Variants in HSPA4L observed in about 807,000 individuals in gnomAD.
HSPA4L encodes the protein heat shock 70 kDa protein 4L.
A neutral mutation model predicts 100.3 loss-of-function variants in HSPA4L; 48 were observed. The observed-to-expected ratio is 0.48, with a 90% confidence interval of 0.38 to 0.61. HSPA4L has a LOEUF of 0.61. Among genes scored for constraint, HSPA4L ranks in the 20% least tolerant of loss-of-function variants. The pLI is 0.00. For missense variants in HSPA4L, 886 were observed against 988.6 expected (o/e 0.90, Z 1.39); for synonymous variants, 319 against 328.2 (o/e 0.97, Z 0.30).
intron 6 of HSPA4L, among the ~76,000 whole-genome samples, chr4:127,803,174 A>G (rs1733242086): frequency 6.6e-6 from 1 of 152,074 alleles, no homozygotes; most frequent in African/African-American, 2.4e-5. Flanking sequence ...AATAGTCAAA[A>G]GGCCTAATTT....
At chr4:127,809,420 A>G in intron 11 of HSPA4L, 1 of 1,255,386 alleles carries the variant, frequency 8.0e-7, no homozygotes, top group Non-Finnish European at 1.2e-6. Flanking sequence ...TCATAACTCA[A>G]GACTCTGCAT....
intron 11 of HSPA4L, among the ~76,000 whole-genome samples, chr4:127,809,925 C>T (rs1176377645): frequency 1.3e-5 from 2 of 152,212 alleles, no homozygotes; most frequent in East Asian, 3.9e-4. Flanking sequence ...TGTCAGTGTA[C>T]CTTTTGAGTT....
In HSPA4L at chr4:127,837,806, GTT is replaced by G. The variant is rs1396502378; in HGVS notation, c.*4936_*4937del. On this transcript the variant is annotated 3_prime_UTR_variant, in exon 19 of 19. Transcript: ENST00000296464. ...TAAAATGCATGAAAATTAATACTTT[GTT>G]TTTGTTTTTTTTTTGGAAACAGTCT... is the stretch of plus-strand genomic sequence containing the variant. 2 of 151,336 alleles carry G rather than the reference GTT, an allele frequency of 1.3e-5. No individual in the cohort carries two copies. The highest frequency in any genetic ancestry group is 4.9e-5 in the African/African-American group (2 of 41,192). 9.4% of individuals were successfully genotyped at this position (151,336 alleles called of 1,614,324 possible).
rs760001129 is a variant in HSPA4L at position 127,808,136 on chromosome 4, TA to T, written c.1378+15del. 45 of 1,578,956 alleles carry T rather than the reference TA, an allele frequency of 2.8e-5. No homozygotes were observed. The highest frequency in any genetic ancestry group is 1.6e-4 in the Admixed American group (8 of 49,396). ...TATCCTGATGCAAGAATTGGTAAGATAAAAAAAAGTTCTCCATAACATTTTG... is the reference window on the plus strand; with the variant it reads ...TATCCTGATGCAAGAATTGGTAAGATAAAAAAAGTTCTCCATAACATTTTG... On this transcript the variant is annotated splice_region_variant and intron_variant, in intron 11 of 18. Coordinates refer to ENST00000296464, the MANE Select transcript of HSPA4L (RefSeq NM_014278.4).
intron 11 of HSPA4L, chr4:127,809,494 G>A: frequency 1.0e-6 from 1 of 994,076 alleles, no homozygotes; most frequent in Non-Finnish European, 1.6e-6. Context: ...TATTTGTGAT[G>A]GAAAAGAGAC....
chr4:127,808,423 A>G (rs1553933547), intron 11 of HSPA4L, among the ~76,000 whole-genome samples: 1 of 152,124 alleles, frequency 6.6e-6, no homozygotes, highest in Non-Finnish European at 1.5e-5. Flanking sequence ...TTTTCTTGTC[A>G]TTAATACATG....
chr4:127,810,319 A>G (rs1038617867), intron 11 of HSPA4L, among the ~76,000 whole-genome samples: 1 of 152,206 alleles, frequency 6.6e-6, no homozygotes, highest in Non-Finnish European at 1.5e-5. Flanking sequence ...TATTTCAAGG[A>G]TATTATATAA....
At chr4:127,793,713 G>T (rs1454241209) in intron 1 of HSPA4L, among the ~76,000 whole-genome samples, 1 of 152,144 alleles carries the variant, frequency 6.6e-6, no homozygotes, top group Non-Finnish European at 1.5e-5. Flanking sequence ...TTTCCACAAG[G>T]TTAAGTGGCA....
intron 1 of HSPA4L, among the ~76,000 whole-genome samples, chr4:127,786,441 CT>C (rs1237765247): frequency 6.6e-6 from 1 of 152,128 alleles, no homozygotes; most frequent in Non-Finnish European, 1.5e-5. Context: ...GAAATACTAT[CT>C]TTTTTAAAAA....
intron 1 of HSPA4L, among the ~76,000 whole-genome samples, chr4:127,785,228 G>A (rs1196895928): frequency 6.6e-6 from 1 of 152,152 alleles, no homozygotes; most frequent in Non-Finnish European, 1.5e-5. Context: ...TGAAGAGGGA[G>A]AGAGAAATTA....
chr4:127,827,119 G>A (rs1733967588), intron 16 of HSPA4L, among the ~76,000 whole-genome samples, 186 bp from the exon 17 acceptor site: 1 of 152,140 alleles, frequency 6.6e-6, no homozygotes, highest in African/African-American at 2.4e-5. Flanking sequence ...TAAGGTGTGT[G>A]GAAGGCATCC....
At chr4:127,820,598 G>T in intron 14 of HSPA4L, 33 bp downstream of exon 14, 1 of 1,573,602 alleles carries the variant, frequency 6.4e-7, no homozygotes, top group Non-Finnish European at 8.6e-7. Flanking sequence ...TGAAATAGGT[G>T]GTAGTTTATT....
At position 127,836,687 on chromosome 4, in the gene HSPA4L, T is replaced by C. The variant is rs370150270; in HGVS notation, c.*3813T>C. Reference sequence around the variant, plus strand: ...TTGAAAAATCTATATTTATTAAAGGTAGTAGACATTTGAATATAGTAATCA... The same window carrying C: ...TTGAAAAATCTATATTTATTAAAGGCAGTAGACATTTGAATATAGTAATCA... On this transcript the variant is annotated 3_prime_UTR_variant, in exon 19 of 19. Transcript: ENST00000296464. 1 of 152,064 alleles carries C rather than the reference T, an allele frequency of 6.6e-6. No individual in the cohort carries two copies. Among genetic ancestry groups the C allele is most frequent in the African/African-American group, 2.4e-5 (1 of 41,422 alleles). The allele number at this position is 152,064 out of a possible 1,614,324, so 9.4% of individuals were successfully genotyped here. A position where few individuals can be genotyped will look rare whatever the true frequency, so the allele number is the denominator to read the frequency against.
In HSPA4L at chr4:127,805,703, CA is replaced by C; in HGVS notation, c.1155del (p.Ala386HisfsTer9). ...TATTTTCAGTGTGCGATTCTCTCACCAGCATTTAAAGTGCGTGAATTTTCCA... is the reference window on the plus strand; with the variant it reads ...TATTTTCAGTGTGCGATTCTCTCACCGCATTTAAAGTGCGTGAATTTTCCA... Reference protein sequence around the residue: ...GCALQCAILSPAFKVREFSIT... With the variant: ...GCALQCAILSXAFKVREFSIT... On this transcript the variant is annotated frameshift_variant, in exon 10 of 19. Transcript: ENST00000296464. LOFTEE classifies it high-confidence loss of function. The C allele has an allele frequency of 6.2e-7, 1 of 1,611,296 alleles. No homozygotes were observed. Among genetic ancestry groups the C allele is most frequent in the Non-Finnish European group, 8.5e-7 (1 of 1,178,088 alleles).
intron 2 of HSPA4L, among the ~76,000 whole-genome samples, chr4:127,795,561 G>T (rs1283330063): frequency 6.6e-6 from 1 of 152,106 alleles, no homozygotes; most frequent in Non-Finnish European, 1.5e-5. Flanking sequence ...AGGATAGGTG[G>T]ATAATTTGGG....
intron 13 of HSPA4L, 78 bp downstream of exon 13, chr4:127,818,498 C>T (rs1733731646): frequency 5.0e-6 from 4 of 796,706 alleles, no homozygotes; most frequent in Non-Finnish European, 6.0e-6. Flanking sequence ...TTTCTTTTAA[C>T]GCACTTGATA....
At chr4:127,826,442 T>C (rs1216850679) in intron 16 of HSPA4L, among the ~76,000 whole-genome samples, 2 of 152,120 alleles carry the variant, frequency 1.3e-5, no homozygotes, top group African/African-American at 4.8e-5. Context: ...CAAAAACATT[T>C]AAACTATAAA....
At chr4:127,797,736 G>A (rs1254545660) in intron 3 of HSPA4L, among the ~76,000 whole-genome samples, 1 of 151,638 alleles carries the variant, frequency 6.6e-6, no homozygotes, top group Non-Finnish European at 1.5e-5. Flanking sequence ...CAAGTAGCTG[G>A]GATTACAGGC....
At chr4:127,828,853 T>C (rs1734011281) in intron 17 of HSPA4L, among the ~76,000 whole-genome samples, 1 of 152,140 alleles carries the variant, frequency 6.6e-6, no homozygotes, top group African/African-American at 2.4e-5. Context: ...GCTATCTTCT[T>C]CAATATGCAC....
Sources: allele counts gnomAD v4.1 joint callset (sites outside exome capture counted in the v4.1 genomes callset), GRCh38; gene constraint gnomAD v4.1.1; transcripts MANE v1.5; gene names NCBI Gene and HGNC (gene_info 2026-07-23, HGNC 2026-07-21).